Variants in RUNDC3A observed in about 807,000 individuals in gnomAD.
RUNDC3A encodes the protein RUN domain containing 3A, also known as RUN domain-containing protein 3A.
RUNDC3A carries 28 observed loss-of-function variants against 53.9 expected under a neutral mutation model. The ratio of observed to expected loss-of-function variants is 0.52; its 90% CI spans 0.38 to 0.71. RUNDC3A has a LOEUF of 0.71. RUNDC3A is among the 30% of genes least tolerant of loss of function. The probability of loss-of-function intolerance (pLI) is 0.00; values close to 1 mark genes in which losing one functional copy is unlikely to be tolerated. For synonymous variants in RUNDC3A, 232 were observed against 249.4 expected, an observed-to-expected ratio of 0.93 and a Z score of 0.66; for missense variants, 491 against 597.3, an observed-to-expected ratio of 0.82 and a Z score of 1.85.
intron 1 of RUNDC3A, among the ~76,000 whole-genome samples, chr17:44,309,575 G>T (rs1454347796): frequency 6.6e-6 from 1 of 152,060 alleles, no homozygotes; most frequent in Non-Finnish European, 1.5e-5. Flanking sequence ...AAGATTCTCC[G>T]TGATTGCGGG....
chr17:44,314,657 G>A, intron 4 of RUNDC3A, 78 bp from the exon 5 acceptor site: 2 of 779,172 alleles, frequency 2.6e-6, no homozygotes, highest in Admixed American at 4.5e-5. Flanking sequence ...GTGGCAGTAA[G>A]CCAACAATAG....
chr17:44,318,014 G>A, intron 10 of RUNDC3A, 82 bp from the exon 11 acceptor site: 1 of 1,400,846 alleles, frequency 7.1e-7, no homozygotes, highest in Non-Finnish European at 9.8e-7. Flanking sequence ...TGACTTGAGG[G>A]CTGCCCCTTC....
chr17:44,314,347 C>T, intron 4 of RUNDC3A: 1 of 1,042,036 alleles, frequency 9.6e-7, no homozygotes, highest in Non-Finnish European at 1.2e-6. Flanking sequence ...TCCCAATTGG[C>T]CATACCCAGC....
intron 5 of RUNDC3A, 43 bp from the exon 6 acceptor site, chr17:44,314,886 A>G (rs1452018389): frequency 1.2e-6 from 2 of 1,613,562 alleles, no homozygotes; most frequent in Non-Finnish European, 1.7e-6. Flanking sequence ...TCCTACCCCA[A>G]CCCCTCACAC....
In RUNDC3A at chr17:44,314,680, G is replaced by C. The variant is rs568120443; in HGVS notation, c.459-55G>C. On this transcript the variant is annotated intron_variant, in intron 4 of 10. Transcript: ENST00000426726. The stretch of plus-strand genomic sequence containing the variant: ...AAGCCAACAATAGCAGCTCTGGGGG[G>C]GGGGGGGGCGCTCCAGGGGCCTGCT... The C allele has an allele frequency of 1.1e-4, 145 of 1,299,814 alleles. 9 individuals are homozygous for C. Among genetic ancestry groups the C allele is most frequent in the Middle Eastern group, 7.0e-4 (3 of 4,278 alleles). 80.5% of individuals were successfully genotyped at this position (1,299,814 alleles called of 1,614,324 possible).
At position 44,318,216 on chromosome 17, in the gene RUNDC3A, G is replaced by A. The variant is rs1198650668; in HGVS notation, c.1319G>A (p.Ser440Asn). Reference protein sequence around the residue: ...ECLVSDSPEGSPALSPS With the variant: ...ECLVSDSPEGNPALSPS ...CTGGTGAGCGACAGTCCCGAGGGCA[G>A]CCCAGCACTGAGCCCCAGCTGAGGA... The change falls in exon 11 of 11, where the codon AGC (serine) becomes AAC (asparagine). Residue 440 changes from serine (S) to asparagine (N), a missense_variant. Physicochemically the swap from Ser to Asn is conservative, Grantham distance 46. This residue lies in a region of RUNDC3A where 218 missense variants were observed against 208.2 expected (regional missense o/e 1.05). Transcript: ENST00000426726. 2.6e-6 allele frequency: 4 copies of A among 1,550,928 alleles called. No individual in the cohort carries two copies. The highest frequency in any genetic ancestry group is 3.5e-6 in the Non-Finnish European group (4 of 1,146,922).
chr17:44,312,689 T>C lies in RUNDC3A; in HGVS notation c.217T>C (p.Phe73Leu). Residue 73 changes from phenylalanine to leucine, a missense_variant, in exon 2 of 11, where the codon TTC (phenylalanine) becomes CTC (leucine). Physicochemically the swap from Phe to Leu is conservative, Grantham distance 22. Transcript: ENST00000426726. ...AILEQILSHR[F>L]KACAPAGPVS... ...TTTAGAGCAGATCCTCAGCCACCGC[T>C]TCAAAGGTGGGCCCAGCGCCCCTCC... The C allele has an allele frequency of 1.3e-6, 2 of 1,547,968 alleles. No individual in the cohort carries two copies. The highest frequency in any genetic ancestry group is 2.4e-5 in the South Asian group (2 of 82,614).
At chr17:44,317,472 C>T (rs567472219) in intron 10 of RUNDC3A, 10 of 780,902 alleles carry the variant, frequency 1.3e-5, no homozygotes, top group South Asian at 2.7e-5. Context: ...TCCCCCTTCT[C>T]TTTGGCTGCC....
intron 1 of RUNDC3A, chr17:44,311,266 G>A (rs565878456): frequency 1.0e-6 from 1 of 985,546 alleles, no homozygotes; most frequent in East Asian, 1.1e-4. Flanking sequence ...GACTTGCAGA[G>A]TAGAGGACAA....
Position 44,308,891 on chromosome 17 carries a change from C to A in RUNDC3A, c.59C>A (p.Ser20Tyr). The change falls in exon 1 of 11, where the codon TCC becomes TAC. Residue 20 changes from serine (S) to tyrosine (Y), a missense_variant. By Grantham distance (144) the Ser-to-Tyr change is moderately radical. Transcript: ENST00000426726. ...CTGGGGCTGTCCTCCAAGAAAGCGT[C>A]CTCTCGCAACGTGGCTGTGGAGCGT... ...MALGLSSKKASSRNVAVERKN... is the reference protein window; with the variant it reads ...MALGLSSKKAYSRNVAVERKN... The A allele has an allele frequency of 6.2e-7, 1 of 1,611,796 alleles. No homozygotes were observed. The highest frequency in any genetic ancestry group is 8.5e-7 in the Non-Finnish European group (1 of 1,178,910).
At chr17:44,316,784 G>A (rs2047873110) in intron 10 of RUNDC3A, 59 bp downstream of exon 10, 1 of 1,002,966 alleles carries the variant, frequency 1.0e-6, no homozygotes, top group Non-Finnish European at 1.5e-6. Context: ...GCAAGGCCCT[G>A]AGGCCTCAAG....
At position 44,315,878 on chromosome 17, in the gene RUNDC3A, C is replaced by G. The variant is rs1598330252; in HGVS notation, c.953+269C>G. On this transcript the variant is annotated intron_variant, in intron 8 of 10. Transcript: ENST00000426726. The surrounding 1 kb of genome is among the most constrained non-coding windows in gnomAD (Gnocchi z 6.1). The stretch of plus-strand genomic sequence containing the variant: ...CCGCTAGAGTGGCCATCCAACCTTA[C>G]TGCAGGGACCCCACGTCACTCACAA... Among the ~76,000 whole-genome samples, 1 of 152,096 alleles carries G rather than the reference C, an allele frequency of 6.6e-6. No homozygotes were observed. The highest frequency in any genetic ancestry group is 2.1e-4 in the South Asian group (1 of 4,828).
intron 4 of RUNDC3A, chr17:44,314,117 A>G (rs780271688): frequency 2.4e-5 from 24 of 992,066 alleles, no homozygotes; most frequent in Non-Finnish European, 2.9e-5. Flanking sequence ...GGCTTGCTCC[A>G]TGATCTACAA....
chr17:44,318,451 G>C lies in RUNDC3A; in HGVS notation c.*213G>C. The C allele has an allele frequency of 1.7e-6, 1 of 586,916 alleles. No individual in the cohort carries two copies. Among genetic ancestry groups the C allele is most frequent in the Middle Eastern group, 4.7e-4 (1 of 2,150 alleles). 36.4% of individuals were successfully genotyped at this position (586,916 alleles called of 1,614,324 possible). On this transcript the variant is annotated 3_prime_UTR_variant, in exon 11 of 11. Coordinates refer to ENST00000426726, the MANE Select transcript of RUNDC3A (RefSeq NM_001144825.2). ...AAGCACGCTGGGCCAGGAGGCAGGG[G>C]TGCCCAAGCCACAGGGAGCCCCTGG...
intron 1 of RUNDC3A, 44 bp downstream of exon 1, chr17:44,308,983 G>C: frequency 7.4e-7 from 1 of 1,345,712 alleles, no homozygotes; most frequent in African/African-American, 1.4e-5. Context: ...TGAGGGAGAG[G>C]GGTTGGGGTG....
At chr17:44,312,534 C>A in intron 1 of RUNDC3A, 46 bp from the exon 2 acceptor site, 1 of 1,110,996 alleles carries the variant, frequency 9.0e-7, no homozygotes, top group Non-Finnish European at 1.3e-6. Flanking sequence ...TCACCTGTTT[C>A]CTCACCTGAC....
At chr17:44,309,236 G>A (rs1164438359) in intron 1 of RUNDC3A, among the ~76,000 whole-genome samples, 5 of 152,006 alleles carry the variant, frequency 3.3e-5, no homozygotes, top group African/African-American at 7.2e-5. Flanking sequence ...GGGGAAGGGG[G>A]TGGGGATGGC....
At chr17:44,311,328 A>G (rs1598323290) in intron 1 of RUNDC3A, 1 of 985,600 alleles carries the variant, frequency 1.0e-6, no homozygotes. Context: ...AACAGCTGCC[A>G]GGAGGCCACA....
intron 1 of RUNDC3A, among the ~76,000 whole-genome samples, chr17:44,309,158 T>TG (rs961271348): frequency 2.9e-4 from 44 of 149,438 alleles, no homozygotes; most frequent in African/African-American, 1.1e-3. Context: ...GGCCTGGGCC[T>TG]GGGGGGTGAG....
Sources: allele counts gnomAD v4.1 joint callset (sites outside exome capture counted in the v4.1 genomes callset), GRCh38; gene constraint gnomAD v4.1.1; regional missense constraint gnomAD v4.1.1; non-coding constraint Gnocchi (gnomAD v3.1); transcripts MANE v1.5; gene names NCBI Gene and HGNC (gene_info 2026-07-23, HGNC 2026-07-21).